The following CSMD1 variants were observed in gnomAD, a reference collection of about 807,000 sequenced individuals.
CSMD1 encodes CUB and sushi domain-containing protein 1.
Under a neutral mutation model 417.5 loss-of-function variants are expected in CSMD1, and 213 were observed. The observed-to-expected ratio is 0.51, with a 90% CI of 0.46 to 0.57. The LOEUF (loss-of-function observed/expected upper bound fraction) is 0.57. CSMD1 is among the 20% of genes least tolerant of loss of function. The pLI is 0.00. For synonymous variants in CSMD1, 2,862 were observed against 1,736.8 expected (o/e 1.65, Z -16.11); for missense variants, 6,923 against 4,529.7 (o/e 1.53, Z -15.17).
At chr8:3,533,160 A>C (rs910698441) in intron 10 of CSMD1, among the ~76,000 whole-genome samples, 2 of 152,230 alleles carry the variant, frequency 1.3e-5, no homozygotes, top group Non-Finnish European at 2.9e-5. Flanking sequence ...TTTAAAGATC[A>C]AATTCTGTGC....
In CSMD1 at chr8:3,271,504, A is replaced by G. The variant is rs192263847; in HGVS notation, c.4153+12640T>C. The stretch of plus-strand genomic sequence containing the variant: ...TTCTAGATCCCTGACGAATGTCCAC[A>G]CTGACTTCCACAATGGTTGAACTAG... On this transcript the variant is annotated intron_variant, in intron 26 of 69. Transcript: ENST00000635120. Among the ~76,000 whole-genome samples the G allele has an allele frequency of 3.3e-3, 493 of 147,430 alleles. 4 individuals carry two copies. Among genetic ancestry groups the G allele is most frequent in the Non-Finnish European group, 4.5e-3 (301 of 66,966 alleles).
In CSMD1 at chr8:2,992,048, G is replaced by GT. The variant is rs553344601; in HGVS notation, c.8377+5962dup. Among the ~76,000 whole-genome samples the GT allele has an allele frequency of 7.0e-4, 107 of 152,306 alleles. No homozygotes were observed. In the Middle Eastern group the frequency reaches 0.01, roughly 15 times the overall value. ...AACCAGCTTCTTAAAATTTTAGTGT[G>GT]TATGTATAGCAATTCTTTCAATATT... is the stretch of plus-strand genomic sequence containing the variant. On this transcript the variant is annotated intron_variant, in intron 54 of 69. Transcript: ENST00000635120.
At chr8:4,663,646 G>C (rs533415610) in intron 1 of CSMD1, among the ~76,000 whole-genome samples, 94 of 152,236 alleles carry the variant, frequency 6.2e-4, no homozygotes, top group Admixed American at 1.4e-3. Context: ...CACTATGATT[G>C]TTTTAAGTTC....
intron 41 of CSMD1, among the ~76,000 whole-genome samples, chr8:3,122,341 C>G (rs1413452641): frequency 6.6e-6 from 1 of 152,106 alleles, no homozygotes; most frequent in Admixed American, 6.5e-5. Context: ...CTACATTATA[C>G]CATGGAACTA....
intron 11 of CSMD1, among the ~76,000 whole-genome samples, chr8:3,483,551 G>C (rs1382659695): frequency 1.3e-5 from 2 of 152,038 alleles, no homozygotes; most frequent in South Asian, 2.1e-4. Flanking sequence ...TAATTTATAA[G>C]TAACAATTAA....
At chr8:3,619,094 G>T (rs1437167671) in intron 7 of CSMD1, among the ~76,000 whole-genome samples, 1 of 150,326 alleles carries the variant, frequency 6.7e-6, no homozygotes, top group Non-Finnish European at 1.5e-5. Flanking sequence ...GGGATTCCAG[G>T]CAGAGGAATA....
At chr8:4,186,756 G>A (rs1383998858) in intron 3 of CSMD1, among the ~76,000 whole-genome samples, 1 of 151,870 alleles carries the variant, frequency 6.6e-6, no homozygotes, top group Non-Finnish European at 1.5e-5. Context: ...GGAAGCTGAG[G>A]CGGGTGGATC....
At chr8:4,942,224 C>T (rs902104510) in intron 1 of CSMD1, among the ~76,000 whole-genome samples, 4 of 152,124 alleles carry the variant, frequency 2.6e-5, no homozygotes, top group Admixed American at 1.3e-4. Flanking sequence ...ATAAACCAGG[C>T]TTCACTCTTA....
At chr8:3,666,795 G>A (rs947383542) in intron 7 of CSMD1, among the ~76,000 whole-genome samples, 1 of 151,864 alleles carries the variant, frequency 6.6e-6, no homozygotes, top group Non-Finnish European at 1.5e-5. Flanking sequence ...TCATGATTGT[G>A]AGGCCTCCTC....
At chr8:4,768,657 T>C (rs1391022113) in intron 1 of CSMD1, among the ~76,000 whole-genome samples, 3 of 152,086 alleles carry the variant, frequency 2.0e-5, no homozygotes, top group Admixed American at 6.6e-5. Flanking sequence ...GTACAGTCAA[T>C]CACAGATGGG....
At chr8:4,513,232 G>C (rs757464317) in intron 2 of CSMD1, among the ~76,000 whole-genome samples, 1 of 152,104 alleles carries the variant, frequency 6.6e-6, no homozygotes, top group Non-Finnish European at 1.5e-5. Context: ...TAATAAAGGA[G>C]ATCCTGTATG....
intron 52 of CSMD1, among the ~76,000 whole-genome samples, chr8:3,012,895 T>A (rs1808511567): frequency 6.6e-6 from 1 of 152,140 alleles, no homozygotes; most frequent in Non-Finnish European, 1.5e-5. Flanking sequence ...GATAATTGAA[T>A]CATGGGGGCG....
chr8:4,404,371 T>C (rs971038496), intron 3 of CSMD1, among the ~76,000 whole-genome samples: 4 of 152,308 alleles, frequency 2.6e-5, no homozygotes, highest in Admixed American at 6.5e-5. Flanking sequence ...TTTTGTGCTG[T>C]TTTGTTCAAC....
chr8:3,273,738 C>G (rs1391502580), intron 26 of CSMD1, among the ~76,000 whole-genome samples: 4 of 152,066 alleles, frequency 2.6e-5, no homozygotes, highest in Admixed American at 2.6e-4. Context: ...TTGTAGTATT[C>G]TCTGATGGCA....
At chr8:4,888,828 A>T (rs146935814) in intron 1 of CSMD1, among the ~76,000 whole-genome samples, 1 of 152,268 alleles carries the variant, frequency 6.6e-6, no homozygotes, top group African/African-American at 2.4e-5. Context: ...AGAGACTTCC[A>T]ATAGGCATCT....
intron 20 of CSMD1, among the ~76,000 whole-genome samples, chr8:3,365,180 T>A (rs189884794): frequency 5.9e-4 from 90 of 152,304 alleles, no homozygotes; most frequent in African/African-American, 2.1e-3. Flanking sequence ...AAGTCTTTGA[T>A]ATATAAAGTG....
rs141770556 is a variant in CSMD1 at position 4,300,953 on chromosome 8, G to C, written c.415+119000C>G. On this transcript the variant is annotated intron_variant, in intron 3 of 69. Transcript: ENST00000635120. The stretch of plus-strand genomic sequence containing the variant: ...CTATCGTTGTTGGACATTTAGGTTG[G>C]TTCCAAGTCTTTACTATTGTAAATA... Among the ~76,000 whole-genome samples the C allele has an allele frequency of 2.8e-3, 432 of 152,244 alleles. 2 individuals carry two copies. The highest frequency in any genetic ancestry group is 1.0e-2 in the African/African-American group (415 of 41,540).
intron 1 of CSMD1, among the ~76,000 whole-genome samples, chr8:4,970,310 G>C (rs73497705): frequency 6.6e-6 from 1 of 152,074 alleles, no homozygotes; most frequent in Non-Finnish European, 1.5e-5. Flanking sequence ...ATGGGAATAA[G>C]TAAATGTGGC....
intron 3 of CSMD1, among the ~76,000 whole-genome samples, chr8:4,076,962 T>C (rs1238872343): frequency 1.3e-5 from 2 of 152,192 alleles, no homozygotes; most frequent in African/African-American, 2.4e-5. Context: ...AACACTTTCC[T>C]CTGAATTATA....
Sources: allele counts gnomAD v4.1 joint callset (sites outside exome capture counted in the v4.1 genomes callset), GRCh38; gene constraint gnomAD v4.1.1; transcripts MANE v1.5; gene names NCBI Gene and HGNC (gene_info 2026-07-23, HGNC 2026-07-21).